LZTS2: variants seen among roughly 807,000 people sequenced by gnomAD.
The protein encoded by LZTS2 is leucine zipper tumor suppressor 2.
LZTS2 carries 32 observed loss-of-function variants against 60.6 expected under a neutral mutation model. The ratio of observed to expected loss-of-function variants is 0.53; its 90% CI spans 0.40 to 0.71. LZTS2 has a LOEUF of 0.71. Among genes scored for constraint, LZTS2 ranks in the 30% least tolerant of loss-of-function variants. LZTS2 has a pLI of 0.00. For synonymous variants in LZTS2, 360 were observed against 393.1 expected (o/e 0.92, Z 1.00); for missense variants, 792 against 901.9 (o/e 0.88, Z 1.56).
Position 101,003,922 on chromosome 10 carries a change from G to A in LZTS2, c.824G>A (p.Arg275Gln), listed in dbSNP as rs200388390. The change falls in exon 2 of 4, where the codon CGG (arginine) becomes CAG (glutamine). Residue 275 changes from arginine (R) to glutamine (Q), a missense_variant. Physicochemically the swap from Arg to Gln is conservative, Grantham distance 43. Transcript: ENST00000370220. ...GGGCCCTCCCACTCAGACAGTGGCC[G>A]GTCCTCCTCCAGCAAGAGCACAGGC... 6.8e-6 allele frequency: 11 copies of A among 1,611,620 alleles called. No homozygotes were observed. In the South Asian group the frequency reaches 8.8e-5, roughly 13 times the overall value.
rs113116655 is a variant in LZTS2 at position 101,005,450 on chromosome 10, G to A, written c.1069-8G>A. 286 of 1,548,448 alleles carry A rather than the reference G, an allele frequency of 1.8e-4. 2 individuals are homozygous for A. In the African/African-American group the frequency reaches 3.0e-3, roughly 16 times the overall value. ...GCCCAGGAGCCAGGTCTCTCTTCTC[G>A]CCTGCAGGCATACGAGGAGCGGCAG... On this transcript the variant is annotated splice_polypyrimidine_tract_variant and splice_region_variant and intron_variant, in intron 2 of 3. Transcript: ENST00000370220.
rs199860110 is a variant in LZTS2 at position 101,004,143 on chromosome 10, G to A, written c.1045G>A (p.Glu349Lys). Residue 349 changes from glutamate (E) to lysine (K), a missense_variant, in exon 2 of 4, where the codon GAG (glutamate) becomes AAG (lysine). Glu to Lys is a moderately conservative substitution (Grantham distance 56, BLOSUM62 1). Coordinates refer to ENST00000370220, the Ensembl canonical transcript of LZTS2. The stretch of plus-strand genomic sequence containing the variant: ...TCAGCAGCTGCGGGACAGTCTGGAC[G>A]AGAATGAGGCTACCATGTGCCAGGT... The A allele has an allele frequency of 9.5e-5, 152 of 1,605,272 alleles. No homozygotes were observed. The highest frequency in any genetic ancestry group is 9.1e-5 in the Non-Finnish European group (107 of 1,173,912).
chr10:101,004,159 T>A (rs780917432), exon 2 of LZTS2: 1 of 1,596,934 alleles, frequency 6.3e-7, no homozygotes, highest in Non-Finnish European at 8.6e-7. Flanking sequence ...GAGGCTACCA[T>A]GTGCCAGGTG....
chr10:101,007,060 G>C (rs540277405), exon 4 of LZTS2: 1 of 1,604,712 alleles, frequency 6.2e-7, no homozygotes, highest in East Asian at 2.2e-5. Flanking sequence ...TAGAGCAGGA[G>C]CTGCAGCAGC....
At chr10:101,001,361 A>G (rs577909442) in exon 1 of LZTS2, 1 of 152,352 alleles carries the variant, frequency 6.6e-6, no homozygotes, top group Non-Finnish European at 1.5e-5. Flanking sequence ...GAACTGATAT[A>G]TCAAACATGC....
At position 101,004,039 on chromosome 10, in the gene LZTS2, C is replaced by A. The variant is rs778350878; in HGVS notation, c.941C>A (p.Pro314His). 24 of 1,613,230 alleles carry A rather than the reference C, an allele frequency of 1.5e-5. No homozygotes were observed. In the South Asian group the frequency reaches 2.3e-4, roughly 15 times the overall value. ...TCCTGTGGGGAGCGCTCACCACCAC[C>A]CCCGCCTCCACCTCCTTCGGATGAG... Residue 314 changes from proline (P) to histidine (H), a missense_variant, in exon 2 of 4, where the codon CCC becomes CAC. Transcript: ENST00000370220.
At chr10:101,005,769 A>G in intron 3 of LZTS2, 54 bp downstream of exon 4, 3 of 1,455,608 alleles carry the variant, frequency 2.1e-6, no homozygotes, top group Non-Finnish European at 2.7e-6. Context: ...GAAACCCTGG[A>G]AAAAGGGGCC....
At chr10:101,003,409 TG>T in intron 1 of LZTS2, 97 bp from the exon 3 acceptor site, 1 of 1,287,308 alleles carries the variant, frequency 7.8e-7, no homozygotes, top group Non-Finnish European at 1.1e-6. Flanking sequence ...TATGAATATA[TG>T]GGCACTGGGG....
At chr10:101,005,665 G>GAGCGGGAGC (rs750619373) in exon 3 of LZTS2, 11 of 1,606,472 alleles carry the variant, frequency 6.8e-6, no homozygotes, top group Admixed American at 3.3e-5. Context: ...CGCCACCTTG[G>GAGCGGGAGC]AGCGGGAGCA....
chr10:101,004,193 G>C, intron 2 of LZTS2, 27 bp downstream of exon 3: 1 of 1,572,656 alleles, frequency 6.4e-7, no homozygotes. Context: ...TGATGGGGAA[G>C]GGGCATGGCA....
chr10:101,005,523 CCAGGCACAG>C lies in LZTS2; in HGVS notation c.1136_1144del (p.Gln379_Gln381del), dbSNP rs764090983. On this transcript the variant is annotated inframe_deletion, in exon 3 of 4. Transcript: ENST00000370220. ...AGGCCCTGCGAGAGGACTGTGCGGC[CCAGGCACAG>C]CGGGCACAGCGGGCCCAACAGCTGC... The C allele has an allele frequency of 1.2e-4, 185 of 1,605,412 alleles. 1 individual carries two copies. The highest frequency in any genetic ancestry group is 9.8e-4 in the East Asian group (44 of 44,768).
chr10:101,003,149 A>G, intron 1 of LZTS2: 1 of 661,190 alleles, frequency 1.5e-6, no homozygotes, highest in South Asian at 2.2e-5. Flanking sequence ...ACTGACATGA[A>G]GGTCAAATAA....
chr10:101,002,708 G>C, exon 1 of LZTS2: 1 of 1,610,972 alleles, frequency 6.2e-7, no homozygotes, highest in Non-Finnish European at 8.5e-7. Flanking sequence ...ACCTTCTTCC[G>C]CCAGCAGGAT....
At chr10:101,006,587 G>GCGCTGCGGGAGGCCCGTGCTA in exon 4 of LZTS2, 2 of 1,609,608 alleles carry the variant, frequency 1.2e-6, no homozygotes, top group South Asian at 1.1e-5. Flanking sequence ...TCTGCGGGTG[G>GCGCTGCGGGAGGCCCGTGCTA]CGCTGCGGGA....
At chr10:101,002,190 G>A (rs371805786) in exon 1 of LZTS2, 2 of 209,586 alleles carry the variant, frequency 9.5e-6, no homozygotes, top group East Asian at 1.0e-4. Flanking sequence ...CCTGGCCTCT[G>A]TGGAGGATGC....
upstream of LZTS2, among the ~76,000 whole-genome samples, chr10:100,997,412 C>T (rs1036558535): frequency 6.6e-6 from 1 of 152,200 alleles, no homozygotes; most frequent in South Asian, 2.1e-4. Flanking sequence ...CGCCGACGGG[C>T]CCCACACACG....
chr10:101,007,247 G>GA, exon 4 of LZTS2: 1 of 1,448,654 alleles, frequency 6.9e-7, no homozygotes, highest in African/African-American at 1.4e-5. Context: ...CAGGGTCCAC[G>GA]GATGGCCCCA....
rs771465695 is a variant in LZTS2, at chr10:101,007,104, A to AC, written c.1948dup (p.Leu650ProfsTer19). 1.2e-6 allele frequency: 2 copies of AC among 1,611,422 alleles called. No individual in the cohort carries two copies. Among genetic ancestry groups the AC allele is most frequent in the Non-Finnish European group, 1.7e-6 (2 of 1,179,474 alleles). On this transcript the variant is annotated frameshift_variant, in exon 4 of 4. Transcript: ENST00000370220. LOFTEE classifies it high-confidence loss of function. ...GAGCTGGAGGCCCGGGAGCTCGCTG[A>AC]CCTGGGCCTGGCCGAGCAGGCCCCC...
At chr10:101,006,567 AGCTGGTGGCTCT>A (rs1852206285) in exon 4 of LZTS2, 1 of 1,611,254 alleles carries the variant, frequency 6.2e-7, no homozygotes, top group Non-Finnish European at 8.5e-7. Context: ...AAGGGCAGCG[AGCTGGTGGCTCT>A]GCGGGTGGCG....
Sources: allele counts gnomAD v4.1 joint callset (sites outside exome capture counted in the v4.1 genomes callset), GRCh38; gene constraint gnomAD v4.1.1; transcripts MANE v1.5; gene names NCBI Gene and HGNC (gene_info 2026-07-23, HGNC 2026-07-21).